The following TIA1 variants were observed in gnomAD, a reference collection of about 807,000 sequenced individuals.
TIA1 encodes TIA1 cytotoxic granule associated RNA binding protein, also known as cytotoxic granule associated RNA binding protein TIA1.
A neutral mutation model predicts 65.9 loss-of-function variants in TIA1; 23 were observed. The observed-to-expected ratio is 0.35, with a 90% confidence interval of 0.25 to 0.49. The LOEUF is 0.49. TIA1 is among the 20% of genes least tolerant of loss of function. The probability of loss-of-function intolerance (pLI) is 0.98; values close to 1 mark genes in which losing one functional copy is unlikely to be tolerated. For missense variants in TIA1, 371 were observed against 477.9 expected, an observed-to-expected ratio of 0.78 and a Z score of 2.09; for synonymous variants, 147 against 149.4, an observed-to-expected ratio of 0.98 and a Z score of 0.12.
At position 70,248,447 on chromosome 2, in the gene TIA1, G is replaced by A. The variant is rs761358170; in HGVS notation, c.-17C>T. 6.2e-7 allele frequency: 1 copy of A among 1,600,670 alleles called. No individual in the cohort carries two copies. Among genetic ancestry groups the A allele is most frequent in the Non-Finnish European group, 8.5e-7 (1 of 1,179,968 alleles). On this transcript the variant is annotated 5_prime_UTR_variant, in exon 1 of 13. Coordinates refer to ENST00000433529, the MANE Select transcript of TIA1 (RefSeq NM_022173.4). ...GTCCTCCATGGCTGCTGCTGTCGCG[G>A]CGGCGCCTCCAGGTCCAGCTCCCTG... is the stretch of plus-strand genomic sequence containing the variant.
At chr2:70,230,925 A>G (rs146048717) in intron 2 of TIA1, 71 bp from the exon 3 acceptor site, 2 of 1,251,320 alleles carry the variant, frequency 1.6e-6, no homozygotes, top group African/African-American at 1.5e-5. Context: ...ATGTAAAAAA[A>G]AAAATCTTAA....
intron 6 of TIA1, chr2:70,224,945 T>A: frequency 9.2e-7 from 1 of 1,082,320 alleles, no homozygotes; most frequent in Non-Finnish European, 1.1e-6. Flanking sequence ...TAACCACTTA[T>A]AAAGTTCACA....
intron 1 of TIA1, among the ~76,000 whole-genome samples, chr2:70,246,476 G>A (rs1178938434): frequency 1.3e-5 from 2 of 152,224 alleles, no homozygotes; most frequent in Non-Finnish European, 2.9e-5. Context: ...TTTGGGTTGA[G>A]GGAGGTAGAA....
chr2:70,236,561 A>G (rs1287694797), intron 1 of TIA1, among the ~76,000 whole-genome samples: 2 of 151,836 alleles, frequency 1.3e-5, no homozygotes, highest in Non-Finnish European at 2.9e-5. Context: ...CCTGGCCTCA[A>G]GCAAACCTAC....
Position 70,228,552 on chromosome 2 carries a change from G to C in TIA1, c.310+507C>G, listed in dbSNP as rs558503984. On this transcript the variant is annotated intron_variant, in intron 5 of 12. Transcript: ENST00000433529. ...GGAGAGAAATAACCAACCCATATCT[G>C]AAGTTTTTAAAAAAGACAATTATCA... 4.5e-5 allele frequency: 50 copies of C among 1,100,894 alleles called. No individual in the cohort carries two copies. In the African/African-American group the frequency reaches 8.5e-4, roughly 19 times the overall value. The allele number at this position is 1,100,894 out of a possible 1,614,324, so 68.2% of individuals were successfully genotyped here.
chr2:70,214,647 A>C (rs897132382), intron 11 of TIA1, among the ~76,000 whole-genome samples, 153 bp from the exon 12 acceptor site: 8 of 151,304 alleles, frequency 5.3e-5, no homozygotes, highest in Non-Finnish European at 1.0e-4. Flanking sequence ...AAAAAAAAAA[A>C]AAAAAAAAAA....
chr2:70,248,268 CAGGTGCATGCTAAG>C, intron 1 of TIA1, 123 bp downstream of exon 1: 1 of 969,914 alleles, frequency 1.0e-6, no homozygotes, highest in East Asian at 2.6e-5. Context: ...TGTAAGCATC[CAGGTGCATGCTAAG>C]GAAACAAAAA....
intron 10 of TIA1, 193 bp downstream of exon 10, chr2:70,216,015 G>C (rs1678479721): frequency 1.8e-6 from 1 of 555,250 alleles, no homozygotes; most frequent in Non-Finnish European, 3.1e-6. Flanking sequence ...GCCTCCCAAA[G>C]TGCTGGGAAT....
chr2:70,242,042 G>A (rs758205947), intron 1 of TIA1, among the ~76,000 whole-genome samples: 27 of 152,048 alleles, frequency 1.8e-4, no homozygotes, highest in Non-Finnish European at 2.8e-4. Flanking sequence ...TGGAAAAATT[G>A]GAATAAAGCC....
In TIA1 at chr2:70,214,352, A is replaced by T. The variant is rs1453824248; in HGVS notation, c.1031T>A (p.Phe344Tyr). 6.2e-7 allele frequency: 1 copy of T among 1,611,150 alleles called. No homozygotes were observed. The highest frequency in any genetic ancestry group is 8.5e-7 in the Non-Finnish European group (1 of 1,179,168). Residue 344 changes from phenylalanine to tyrosine, a missense_variant, in exon 12 of 13, where the codon TTT (phenylalanine) becomes TAT (tyrosine). Coordinates refer to ENST00000433529, the MANE Select transcript of TIA1 (RefSeq NM_022173.4). Reference sequence around the variant, plus strand: ...GGAAGACATAAGATATGCTTACTTAAATCCTTGCTGGTTCCATGCCTGGCC... The same window carrying T: ...GGAAGACATAAGATATGCTTACTTATATCCTTGCTGGTTCCATGCCTGGCC... Reference protein sequence around the residue: ...MYGQAWNQQGFNQTQSSAPWM... With the variant: ...MYGQAWNQQGYNQTQSSAPWM...
intron 2 of TIA1, among the ~76,000 whole-genome samples, chr2:70,233,760 T>C (rs1453190369): frequency 1.4e-5 from 2 of 148,068 alleles, no homozygotes; most frequent in Non-Finnish European, 3.0e-5. Flanking sequence ...AGTGAGACTC[T>C]GTCTAAAAAA....
At position 70,211,308 on chromosome 2, in the gene TIA1, C is replaced by A. The variant is rs1056578233; in HGVS notation, c.*1411G>T. 1 of 152,114 alleles carries A rather than the reference C, an allele frequency of 6.6e-6. No homozygotes were observed. The highest frequency in any genetic ancestry group is 6.6e-5 in the Admixed American group (1 of 15,260). The allele number at this position is 152,114 out of a possible 1,614,324, so 9.4% of individuals were successfully genotyped here. A position where few individuals can be genotyped will look rare whatever the true frequency, so the allele number is the denominator to read the frequency against. On this transcript the variant is annotated 3_prime_UTR_variant, in exon 13 of 13. Coordinates refer to ENST00000433529, the MANE Select transcript of TIA1 (RefSeq NM_022173.4). ...AAACCTCTTAATGCTTGGAGCCACC[C>A]CAAAATAATAAAATCGGGAACTCCA...
Position 70,212,512 on chromosome 2 carries a change from G to A in TIA1, c.*207C>T, listed in dbSNP as rs899236124. ...AAACTTTATCAAAAAAGGTAATGAA[G>A]GCAAAAATTGGCAGACATCCAGCAT... On this transcript the variant is annotated 3_prime_UTR_variant, in exon 13 of 13. Coordinates refer to ENST00000433529, the MANE Select transcript of TIA1 (RefSeq NM_022173.4). 1.7e-5 allele frequency: 7 copies of A among 415,050 alleles called. No homozygotes were observed. Among genetic ancestry groups the A allele is most frequent in the Admixed American group, 3.5e-5 (1 of 28,584 alleles). The allele number at this position is 415,050 out of a possible 1,614,324, so 25.7% of individuals were successfully genotyped here. A position where few individuals can be genotyped will look rare whatever the true frequency, so the allele number is the denominator to read the frequency against.
At chr2:70,232,219 A>AAAAAAAG (rs1553447437) in intron 2 of TIA1, among the ~76,000 whole-genome samples, 6 of 146,606 alleles carry the variant, frequency 4.1e-5, no homozygotes, top group African/African-American at 1.0e-4. Context: ...AAAAAAAAAA[A>AAAAAAAG]AAAAAAGAAA....
intron 12 of TIA1, among the ~76,000 whole-genome samples, chr2:70,213,081 G>C (rs999416646): frequency 6.6e-6 from 1 of 152,062 alleles, no homozygotes; most frequent in African/African-American, 2.4e-5. Context: ...AGAAATTAAA[G>C]CTAAGAAAAT....
chr2:70,217,401 CTTCTTT>C (rs1255109005), intron 7 of TIA1, among the ~76,000 whole-genome samples: 3 of 134,778 alleles, frequency 2.2e-5, no homozygotes, highest in Admixed American at 7.2e-5. Context: ...CGAACTTCTT[CTTCTTT>C]TTTTTTTCTT....
rs571515350 is a variant in TIA1 at position 70,239,863 on chromosome 2, A to T, written c.27-3688T>A. 2.6e-5 allele frequency among the ~76,000 whole-genome samples: 4 copies of T among 152,352 alleles called. No homozygotes were observed. In the South Asian group the frequency reaches 8.3e-4, roughly 32 times the overall value. On this transcript the variant is annotated intron_variant, in intron 1 of 12. Transcript: ENST00000433529. ...TTCTGAAAAAGAGACAGAATTAAGC[A>T]TTTATCCTATTAAGTAGGAACTCCC...
chr2:70,226,919 C>A (rs1684060241), intron 6 of TIA1, among the ~76,000 whole-genome samples: 1 of 152,142 alleles, frequency 6.6e-6, no homozygotes, highest in Non-Finnish European at 1.5e-5. Flanking sequence ...TTCACCAATA[C>A]TACTGGCATT....
At chr2:70,221,059 T>C (rs947620959) in intron 7 of TIA1, among the ~76,000 whole-genome samples, 3 of 151,978 alleles carry the variant, frequency 2.0e-5, no homozygotes, top group African/African-American at 7.3e-5. Context: ...CAGGCTGGAG[T>C]GCAGTGGCAT....
Sources: gnomAD v4.1 joint callset for allele counts (sites outside exome capture counted in the v4.1 genomes callset) on GRCh38, gnomAD v4.1.1 for gene constraint, MANE v1.5 for transcripts, NCBI Gene and HGNC (gene_info 2026-07-23, HGNC 2026-07-21) for gene names.